The following WDR7 variants were observed in gnomAD, a reference collection of about 807,000 sequenced individuals.
The protein encoded by WDR7 is WD repeat-containing protein 7.
Under a neutral mutation model 169.4 loss-of-function variants are expected in WDR7, and 46 were observed. That is an observed-to-expected ratio of 0.27 (90% CI 0.21 to 0.35). The LOEUF is 0.35. Ranked by LOEUF, WDR7 falls within the 10% of genes least tolerant of loss-of-function variation. The pLI is 1.00. For synonymous variants in WDR7, 612 were observed against 666.8 expected (o/e 0.92, Z 1.27); for missense variants, 1,534 against 1,859.3 (o/e 0.83, Z 3.22).
rs183411896 is a variant in WDR7, at chr18:57,017,890, C to T, written c.4165-2855C>T. 3.3e-5 allele frequency among the ~76,000 whole-genome samples: 5 copies of T among 152,234 alleles called. No individual in the cohort carries two copies. The East Asian group carries it at 9.6e-4, about 29-fold the overall frequency. The stretch of plus-strand genomic sequence containing the variant: ...AGTGTCTTCAGCTGAAATAGAAGTA[C>T]CCTTCACGTGGATGTTTTAAATACT... On this transcript the variant is annotated intron_variant, in intron 26 of 27. Coordinates refer to ENST00000254442, the MANE Select transcript of WDR7 (RefSeq NM_015285.3).
chr18:56,868,632 A>G (rs746398535), intron 20 of WDR7, among the ~76,000 whole-genome samples: 1 of 152,130 alleles, frequency 6.6e-6, no homozygotes, highest in Non-Finnish European at 1.5e-5. Context: ...TTCTTTTTCT[A>G]AGTAGTAACT....
chr18:56,741,092 G>A (rs2043614394), intron 14 of WDR7, among the ~76,000 whole-genome samples: 1 of 152,108 alleles, frequency 6.6e-6, no homozygotes, highest in African/African-American at 2.4e-5. Context: ...ACCTAGTGGT[G>A]CAAACTGTGG....
intron 13 of WDR7, among the ~76,000 whole-genome samples, chr18:56,718,366 T>C (rs926210106): frequency 6.6e-5 from 10 of 152,160 alleles, no homozygotes; most frequent in African/African-American, 2.2e-4. Flanking sequence ...AGCATGTAAT[T>C]GAGGATAATA....
intron 12 of WDR7, among the ~76,000 whole-genome samples, chr18:56,711,653 A>G (rs536017632): frequency 6.6e-6 from 1 of 152,014 alleles, no homozygotes; most frequent in Non-Finnish European, 1.5e-5. Context: ...TGGCTGGACC[A>G]TATGGCCTTT....
At chr18:56,708,737 C>T (rs778208899) in intron 12 of WDR7, among the ~76,000 whole-genome samples, 36 of 152,120 alleles carry the variant, frequency 2.4e-4, no homozygotes, top group Admixed American at 2.0e-4. Flanking sequence ...GAGTTTGAGA[C>T]CAGACTGGCC....
At chr18:56,688,208 T>A (rs750580176) in intron 7 of WDR7, among the ~76,000 whole-genome samples, 20 of 152,168 alleles carry the variant, frequency 1.3e-4, no homozygotes, top group Non-Finnish European at 2.6e-4. Context: ...CTGTACTGTG[T>A]CATAATTAGA....
At chr18:56,868,882 T>C (rs575180756) in intron 20 of WDR7, among the ~76,000 whole-genome samples, 1 of 152,258 alleles carries the variant, frequency 6.6e-6, no homozygotes, top group South Asian at 2.1e-4. Context: ...GACTTCTGAT[T>C]ACTTAGCTGC....
intron 21 of WDR7, among the ~76,000 whole-genome samples, chr18:56,916,005 G>A (rs1365226214): frequency 1.3e-5 from 2 of 152,284 alleles, no homozygotes; most frequent in South Asian, 2.1e-4. Context: ...TCTAATGGGT[G>A]TACTGGCGGT....
rs2043940434 is a variant in WDR7 at position 56,758,875 on chromosome 18, C to T, written c.2770C>T (p.Pro924Ser). The part of the protein sequence containing the change: ...MKKGPTRPPR[P>S]STPDLSKARG... ...TTCTTCTTTTTTAAGGCCACCTAGA[C>T]CAAGCACCCCAGACCTTTCTAAGGC... Residue 924 changes from proline (P) to serine (S), a missense_variant, in exon 16 of 28, where the codon CCA (proline) becomes TCA (serine). Pro to Ser is a moderately conservative substitution (Grantham distance 74, BLOSUM62 -1). Coordinates refer to ENST00000254442, the MANE Select transcript of WDR7 (RefSeq NM_015285.3). The T allele has an allele frequency of 3.1e-6, 5 of 1,611,462 alleles. No homozygotes were observed. The South Asian group carries it at 3.3e-5, about 11-fold the overall frequency.
At chr18:56,894,140 C>T (rs558804282) in intron 21 of WDR7, among the ~76,000 whole-genome samples, 1 of 152,092 alleles carries the variant, frequency 6.6e-6, no homozygotes, top group African/African-American at 2.4e-5. Context: ...CTATTTCTCA[C>T]CACCTTTCCT....
chr18:56,677,458 C>T (rs1248596484), intron 2 of WDR7, among the ~76,000 whole-genome samples: 1 of 152,050 alleles, frequency 6.6e-6, no homozygotes, highest in Admixed American at 6.6e-5. Flanking sequence ...CCAGGGATTC[C>T]TGTGCCTCAG....
At chr18:56,699,567 G>A (rs2025778323) in intron 12 of WDR7, among the ~76,000 whole-genome samples, 1 of 152,128 alleles carries the variant, frequency 6.6e-6, no homozygotes, top group African/African-American at 2.4e-5. Context: ...GGTGAATTCA[G>A]GTGGAAGTTG....
chr18:56,695,058 C>T lies in WDR7; in HGVS notation c.1217C>T (p.Pro406Leu). ...AGTGTGATTCCCAATAGTAATGAAC[C>T]TCTTAAAGTAACTGCAAGTGTGTAC... ...QLSVIPNSNEPLKVTASVYIP... is the reference protein window; with the variant it reads ...QLSVIPNSNELLKVTASVYIP... The change falls in exon 11 of 28, where the codon CCT becomes CTT. Residue 406 changes from proline (P) to leucine (L), a missense_variant. By Grantham distance (98) the Pro-to-Leu change is moderately conservative. Transcript: ENST00000254442. 2.5e-6 allele frequency: 4 copies of T among 1,614,088 alleles called. No individual in the cohort carries two copies. The highest frequency in any genetic ancestry group is 3.4e-6 in the Non-Finnish European group (4 of 1,180,012).
chr18:56,761,811 A>G (rs992482465), intron 16 of WDR7, among the ~76,000 whole-genome samples: 1 of 152,042 alleles, frequency 6.6e-6, no homozygotes, highest in Non-Finnish European at 1.5e-5. Flanking sequence ...CCAGTATAGA[A>G]ATGCAGTTGA....
chr18:56,663,903 G>T (rs552247201), intron 1 of WDR7, among the ~76,000 whole-genome samples: 2 of 152,152 alleles, frequency 1.3e-5, no homozygotes, highest in South Asian at 4.2e-4. Flanking sequence ...ACAGGGTTAA[G>T]TCTTTGGAAT....
chr18:56,828,747 G>A (rs1389499914), intron 20 of WDR7, among the ~76,000 whole-genome samples: 1 of 152,006 alleles, frequency 6.6e-6, no homozygotes, highest in Admixed American at 6.6e-5. Context: ...AACAGAGCAC[G>A]GTGTACCACA....
chr18:56,914,511 C>T (rs903612383), intron 21 of WDR7, among the ~76,000 whole-genome samples: 2 of 152,094 alleles, frequency 1.3e-5, no homozygotes, highest in South Asian at 4.1e-4. Flanking sequence ...AGAACTGAAA[C>T]CTGGCTGTTC....
At chr18:56,781,747 C>A in intron 19 of WDR7, 91 bp downstream of exon 19, 1 of 1,262,658 alleles carries the variant, frequency 7.9e-7, no homozygotes. Flanking sequence ...TACCCATCAA[C>A]AAAAATGAGT....
At chr18:56,847,380 C>G (rs192850251) in intron 20 of WDR7, among the ~76,000 whole-genome samples, 2 of 152,244 alleles carry the variant, frequency 1.3e-5, no homozygotes, top group Non-Finnish European at 2.9e-5. Context: ...AAATAAGTGA[C>G]TTAAAGTTGG....
Sources: allele counts gnomAD v4.1 joint callset (sites outside exome capture counted in the v4.1 genomes callset), GRCh38; gene constraint gnomAD v4.1.1; transcripts MANE v1.5; gene names NCBI Gene and HGNC (gene_info 2026-07-23, HGNC 2026-07-21).